MORN1: variants seen among roughly 807,000 people sequenced by gnomAD.
The protein encoded by MORN1 is MORN repeat-containing protein 1.
MORN1 carries 67 observed loss-of-function variants against 61.9 expected under a neutral mutation model. The observed-to-expected ratio is 1.08, with a 90% CI of 0.89 to 1.33. The LOEUF (loss-of-function observed/expected upper bound fraction) is 1.33. MORN1 is among the 40% of genes most tolerant of loss of function. MORN1 has a pLI of 0.00. For synonymous variants in MORN1, 301 were observed against 292.0 expected (o/e 1.03, Z -0.31); for missense variants, 752 against 691.2 (o/e 1.09, Z -0.99).
intron 8 of MORN1, among the ~76,000 whole-genome samples, chr1:2,363,807 A>AACAAACAAACAAAC (rs147314830): frequency 3.2e-4 from 35 of 109,368 alleles, no homozygotes; most frequent in Non-Finnish European, 4.9e-4. Flanking sequence ...CAAACAAACA[A>AACAAACAAACAAAC]AAAAATATAT....
chr1:2,329,234 C>T (rs1641097826), intron 12 of MORN1, among the ~76,000 whole-genome samples: 1 of 152,228 alleles, frequency 6.6e-6, no homozygotes, highest in African/African-American at 2.4e-5. Context: ...CCGCTGAGCG[C>T]TGGGCACGTC....
intron 6 of MORN1, among the ~76,000 whole-genome samples, chr1:2,384,381 G>A (rs1398507684): frequency 1.3e-5 from 2 of 152,234 alleles, no homozygotes; most frequent in Non-Finnish European, 2.9e-5. Flanking sequence ...CCTAGTCCCT[G>A]CCTTGTAGGG....
chr1:2,324,375 G>T (rs934496733), intron 12 of MORN1, among the ~76,000 whole-genome samples: 3 of 152,180 alleles, frequency 2.0e-5, no homozygotes, highest in African/African-American at 7.2e-5. Context: ...AATCCTCTTT[G>T]TCTAAATTCT....
intron 12 of MORN1, chr1:2,332,529 G>C: frequency 2.2e-6 from 1 of 448,962 alleles, no homozygotes; most frequent in Non-Finnish European, 4.5e-6. Flanking sequence ...AGGCCGCTAG[G>C]ACCTGGGCTT....
rs1368270476 is a variant in MORN1 at position 2,337,313 on chromosome 1, G to A, written c.1037-463C>T. Among the ~76,000 whole-genome samples the A allele has an allele frequency of 1.3e-5, 2 of 152,208 alleles. No individual in the cohort carries two copies. The highest frequency in any genetic ancestry group is 2.4e-5 in the African/African-American group (1 of 41,450). ...AGCGGCCCATCAAGATGGACCTGGC[G>A]TCAGGACCCGTTCTCCACAGGCGTG... On this transcript the variant is annotated intron_variant, in intron 10 of 13. Transcript: ENST00000378531. The surrounding 1 kb of genome is among the most constrained non-coding windows in gnomAD (Gnocchi z 5.7).
chr1:2,389,793 A>T, intron 2 of MORN1, 132 bp downstream of exon 2: 1 of 788,710 alleles, frequency 1.3e-6, no homozygotes, highest in Non-Finnish European at 2.1e-6. Flanking sequence ...CTGAGCAGCC[A>T]GGGAAGCACC....
chr1:2,367,648 T>C (rs1321437029), intron 8 of MORN1, among the ~76,000 whole-genome samples: 2 of 150,852 alleles, frequency 1.3e-5, no homozygotes, highest in Non-Finnish European at 3.0e-5. Flanking sequence ...AAATATGTCA[T>C]TTTTTTTTGA....
chr1:2,338,843 C>T (rs1425135790), intron 10 of MORN1, among the ~76,000 whole-genome samples: 1 of 152,196 alleles, frequency 6.6e-6, no homozygotes, highest in Non-Finnish European at 1.5e-5. Flanking sequence ...GTTCTCACGA[C>T]ATCCCTGCTC....
chr1:2,381,625 G>C (rs1642373382), intron 6 of MORN1, among the ~76,000 whole-genome samples: 1 of 152,166 alleles, frequency 6.6e-6, no homozygotes, highest in Non-Finnish European at 1.5e-5. Context: ...AGGGAATGTA[G>C]GTCACGCGAA....
chr1:2,379,372 G>A, intron 6 of MORN1: 2 of 355,392 alleles, frequency 5.6e-6, no homozygotes, highest in South Asian at 2.2e-5. Context: ...GCTGGTTGGG[G>A]TGTGGCTGGA....
At chr1:2,346,528 GGC>G (rs1393743412) in intron 10 of MORN1, among the ~76,000 whole-genome samples, 1 of 152,268 alleles carries the variant, frequency 6.6e-6, no homozygotes, top group African/African-American at 2.4e-5. Flanking sequence ...TGGGATTACA[GGC>G]GCCCGCCACC....
At position 2,357,077 on chromosome 1, in the gene MORN1, C is replaced by A. The variant is rs1030509726; in HGVS notation, c.1036+355G>T. Among the ~76,000 whole-genome samples the A allele has an allele frequency of 5.9e-5, 9 of 152,156 alleles. No homozygotes were observed. Among genetic ancestry groups the A allele is most frequent in the Non-Finnish European group, 1.2e-4 (8 of 68,006 alleles). On this transcript the variant is annotated intron_variant, in intron 10 of 13. Transcript: ENST00000378531. The surrounding 1 kb of genome is among the most constrained non-coding windows in gnomAD (Gnocchi z 6.3). ...GGCGGCTGCTGTGAGGGCTCCCGGGCGGCAGGAGTGGCTGGGGCCGTGTCC... is the reference window on the plus strand; with the variant it reads ...GGCGGCTGCTGTGAGGGCTCCCGGGAGGCAGGAGTGGCTGGGGCCGTGTCC...
At chr1:2,346,927 C>T (rs962041662) in intron 10 of MORN1, among the ~76,000 whole-genome samples, 5 of 152,196 alleles carry the variant, frequency 3.3e-5, no homozygotes. Context: ...TCCCACTAGC[C>T]CTGAAGGCCA....
Position 2,357,710 on chromosome 1 carries a change from G to T in MORN1, c.870-112C>A. On this transcript the variant is annotated intron_variant, in intron 9 of 13. Coordinates refer to ENST00000378531, the MANE Select transcript of MORN1 (RefSeq NM_024848.3). The surrounding 1 kb of genome is among the most constrained non-coding windows in gnomAD (Gnocchi z 6.3). The stretch of plus-strand genomic sequence containing the variant: ...TGGGACTTGCCTACACTGAGTCCAG[G>T]GAGCGCTACTCAGCCTCTCTGGGAG... The T allele has an allele frequency of 7.8e-7, 1 of 1,282,336 alleles. No homozygotes were observed. The highest frequency in any genetic ancestry group is 1.0e-6 in the Non-Finnish European group (1 of 963,214). The allele number at this position is 1,282,336 out of a possible 1,614,324, so 79.4% of individuals were successfully genotyped here.
intron 10 of MORN1, among the ~76,000 whole-genome samples, chr1:2,349,090 C>T (rs1641593846): frequency 6.6e-6 from 1 of 152,230 alleles, no homozygotes; most frequent in Non-Finnish European, 1.5e-5. Flanking sequence ...TTCCCTGCTC[C>T]ATTGGGCCCA....
intron 8 of MORN1, among the ~76,000 whole-genome samples, chr1:2,359,394 C>T (rs1253069808): frequency 1.3e-5 from 2 of 152,220 alleles, no homozygotes; most frequent in East Asian, 3.8e-4. Context: ...GAGGACTGTG[C>T]CCAAGGAGTG....
chr1:2,367,319 A>G (rs1041320304), intron 8 of MORN1, among the ~76,000 whole-genome samples: 1 of 151,576 alleles, frequency 6.6e-6, no homozygotes, highest in Non-Finnish European at 1.5e-5. Context: ...AAAAAAAAAA[A>G]AAAAAGAAAA....
intron 12 of MORN1, among the ~76,000 whole-genome samples, chr1:2,327,469 C>CACAGAAACACACAGAA (rs1171302680): frequency 3.6e-4 from 54 of 151,342 alleles, no homozygotes; most frequent in African/African-American, 1.2e-3. Context: ...AACACAGAAA[C>CACAGAAACACACAGAA]ACAGAAACAC....
At chr1:2,374,372 G>A in intron 7 of MORN1, 89 bp downstream of exon 7, 4 of 1,132,626 alleles carry the variant, frequency 3.5e-6, no homozygotes, top group Non-Finnish European at 5.2e-6. Flanking sequence ...GTGTGCTCTT[G>A]GTCAGTGTTT....
Sources: allele counts gnomAD v4.1 joint callset (sites outside exome capture counted in the v4.1 genomes callset), GRCh38; gene constraint gnomAD v4.1.1; non-coding constraint Gnocchi (gnomAD v3.1); transcripts MANE v1.5; gene names NCBI Gene and HGNC (gene_info 2026-07-23, HGNC 2026-07-21).